Variants in AFF3 observed in about 807,000 individuals in gnomAD.
AFF3 encodes the protein AF4/FMR2 family member 3.
AFF3 carries 32 observed loss-of-function variants against 129.7 expected under a neutral mutation model. That is an observed-to-expected ratio of 0.25 (90% CI 0.19 to 0.33). The LOEUF is 0.33. Among genes scored for constraint, AFF3 ranks in the 10% least tolerant of loss-of-function variants. The pLI, the probability that AFF3 is intolerant of heterozygous loss-of-function variation, is 1.00. For missense variants in AFF3, 1,373 were observed against 1,592.0 expected (o/e 0.86, Z 2.34); for synonymous variants, 644 against 635.4 (o/e 1.01, Z -0.20).
intron 13 of AFF3, among the ~76,000 whole-genome samples, chr2:99,636,838 C>T (rs1378916361): frequency 6.6e-6 from 1 of 152,166 alleles, no homozygotes; most frequent in Non-Finnish European, 1.5e-5. Context: ...GGGAGCTTAT[C>T]AGGCTCCAAA....
At chr2:99,952,593 C>A (rs1445984211) in intron 7 of AFF3, among the ~76,000 whole-genome samples, 1 of 152,038 alleles carries the variant, frequency 6.6e-6, no homozygotes, top group African/African-American at 2.4e-5. Context: ...GTTATTATTT[C>A]TAGGCTTTAT....
rs778348442 is a variant in AFF3 at position 99,984,348 on chromosome 2, GAA to G, written c.873+22282_873+22283del. 3.9e-5 allele frequency among the ~76,000 whole-genome samples: 6 copies of G among 152,134 alleles called. No individual in the cohort carries two copies. The East Asian group carries it at 7.7e-4, about 20-fold the overall frequency. ...GTCCTGAGTAGAAAATTATAACAGT[GAA>G]AGAGATCACTTTCACTCAGCTTCCA... is the stretch of plus-strand genomic sequence containing the variant. On this transcript the variant is annotated intron_variant, in intron 7 of 24. Coordinates refer to ENST00000672756, the MANE Select transcript of AFF3 (RefSeq NM_001386135.1).
At chr2:99,727,028 A>G (rs1679412589) in intron 11 of AFF3, 49 bp downstream of exon 11, 1 of 1,482,814 alleles carries the variant, frequency 6.7e-7, no homozygotes, top group South Asian at 1.2e-5. Context: ...TCATTTTATG[A>G]GGCATATTTA....
intron 7 of AFF3, among the ~76,000 whole-genome samples, chr2:99,871,725 C>A (rs1164721214): frequency 6.6e-6 from 1 of 152,044 alleles, no homozygotes; most frequent in Non-Finnish European, 1.5e-5. Flanking sequence ...CTGGGGACTC[C>A]AAAACATGGG....
At chr2:99,738,203 C>T (rs1680414734) in intron 10 of AFF3, among the ~76,000 whole-genome samples, 1 of 152,054 alleles carries the variant, frequency 6.6e-6, no homozygotes, top group African/African-American at 2.4e-5. Flanking sequence ...GTAAGTTGCT[C>T]ATTTCCCTTA....
chr2:99,568,362 A>C (rs1676166758), intron 19 of AFF3, among the ~76,000 whole-genome samples: 1 of 152,242 alleles, frequency 6.6e-6, no homozygotes, highest in Non-Finnish European at 1.5e-5. Flanking sequence ...ATTCTTTGAA[A>C]ACATCAAATC....
At chr2:100,009,122 G>A (rs72819165) in intron 4 of AFF3, among the ~76,000 whole-genome samples, 190 bp from the exon 5 acceptor site, 24,437 of 152,108 alleles carry the variant, frequency 0.16, 2,198 homozygotes, top group African/African-American at 0.2. Flanking sequence ...TCTTTGGGGG[G>A]AAAAGAATCC....
intron 7 of AFF3, among the ~76,000 whole-genome samples, chr2:99,905,183 G>T (rs1694622547): frequency 6.6e-6 from 1 of 152,216 alleles, no homozygotes; most frequent in Non-Finnish European, 1.5e-5. Flanking sequence ...GTGGGAATCT[G>T]ATGGCGCACG....
chr2:99,617,110 T>TA (rs1410278903), intron 13 of AFF3, among the ~76,000 whole-genome samples: 3 of 152,262 alleles, frequency 2.0e-5, no homozygotes, highest in Non-Finnish European at 4.4e-5. Flanking sequence ...ATAATGCCAC[T>TA]ATGAGCATTC....
At chr2:99,827,336 G>C (rs780764602) in intron 8 of AFF3, among the ~76,000 whole-genome samples, 17 of 152,168 alleles carry the variant, frequency 1.1e-4, no homozygotes, top group Admixed American at 6.5e-5. Context: ...AGACCCAGGA[G>C]AAAGGACCAC....
At chr2:99,743,505 C>T (rs552485320) in intron 10 of AFF3, among the ~76,000 whole-genome samples, 10 of 152,296 alleles carry the variant, frequency 6.6e-5, no homozygotes, top group Middle Eastern at 3.4e-3. Flanking sequence ...CTCAAGCCAA[C>T]GTTAATACCA....
chr2:99,596,233 C>T (rs1476685614), intron 14 of AFF3, among the ~76,000 whole-genome samples: 1 of 152,140 alleles, frequency 6.6e-6, no homozygotes, highest in East Asian at 1.9e-4. Flanking sequence ...TTGGCTTCTC[C>T]AGAGAAAGGG....
chr2:99,927,215 A>G (rs1696315544), intron 7 of AFF3, among the ~76,000 whole-genome samples: 1 of 152,256 alleles, frequency 6.6e-6, no homozygotes, highest in Non-Finnish European at 1.5e-5. Context: ...TAAGTGAGTC[A>G]GAAACAATCC....
chr2:99,886,611 AT>A (rs1351868128), intron 7 of AFF3, among the ~76,000 whole-genome samples: 1 of 152,172 alleles, frequency 6.6e-6, no homozygotes, highest in Admixed American at 6.5e-5. Context: ...TCCTCATTGC[AT>A]TTTGGACTTG....
At chr2:99,750,241 A>G (rs1266994432) in intron 9 of AFF3, among the ~76,000 whole-genome samples, 1 of 152,150 alleles carries the variant, frequency 6.6e-6, no homozygotes, top group Non-Finnish European at 1.5e-5. Context: ...TGGGTAATGA[A>G]CAGGCAATTT....
At chr2:99,932,271 ATTC>A (rs768907033) in intron 7 of AFF3, among the ~76,000 whole-genome samples, 20 of 152,048 alleles carry the variant, frequency 1.3e-4, no homozygotes, top group Admixed American at 4.6e-4. Flanking sequence ...GCCCAAGACA[ATTC>A]TTCTTCTTCC....
chr2:100,104,639 G>T, intron 3 of AFF3, 121 bp from the exon 4 acceptor site: 5 of 466,188 alleles, frequency 1.1e-5, no homozygotes, highest in Non-Finnish European at 1.3e-5. Flanking sequence ...CGGGCCGGCC[G>T]GGCTGGCTGC....
At chr2:100,035,965 G>A (rs6748064) in intron 4 of AFF3, among the ~76,000 whole-genome samples, 20,809 of 151,798 alleles carry the variant, frequency 0.14, 1,666 homozygotes, top group South Asian at 0.2. Flanking sequence ...TGGAAGCAAT[G>A]AGGCTACTTC....
chr2:99,864,820 C>CTAGGTAATATGTTCT (rs1461061013), intron 7 of AFF3, among the ~76,000 whole-genome samples: 2 of 152,176 alleles, frequency 1.3e-5, no homozygotes, highest in African/African-American at 4.8e-5. Context: ...ATAGTAAGGG[C>CTAGGTAATATGTTCT]TAGGTAATAT....
Sources: allele counts gnomAD v4.1 joint callset (sites outside exome capture counted in the v4.1 genomes callset), GRCh38; gene constraint gnomAD v4.1.1; transcripts MANE v1.5; gene names NCBI Gene and HGNC (gene_info 2026-07-23, HGNC 2026-07-21).